Variants in MOBP observed in about 807,000 individuals in gnomAD.
MOBP encodes the protein myelin-associated oligodendrocyte basic protein.
MOBP carries 5 observed loss-of-function variants against 15.0 expected under a neutral mutation model. The observed-to-expected ratio is 0.33, with a 90% CI of 0.17 to 0.70. The LOEUF (loss-of-function observed/expected upper bound fraction) is 0.70, where lower values mean the gene tolerates loss of function less well. Ranked by LOEUF, MOBP falls within the 30% of genes least tolerant of loss-of-function variation. MOBP has a pLI of 0.67. For synonymous variants in MOBP, 88 were observed against 99.0 expected (o/e 0.89, Z 0.66); for missense variants, 188 against 257.8 (o/e 0.73, Z 1.85).
At chr3:39,476,044 T>C (rs2042541520) in intron 1 of MOBP, among the ~76,000 whole-genome samples, 1 of 152,234 alleles carries the variant, frequency 6.6e-6, no homozygotes, top group South Asian at 2.1e-4. Context: ...TAGCAGCTTC[T>C]GTTTCTGGAG....
At chr3:39,520,241 T>A (rs539135639), downstream of MOBP, among the ~76,000 whole-genome samples, 117 of 152,308 alleles carry the variant, frequency 7.7e-4, no homozygotes, top group African/African-American at 2.6e-3. Flanking sequence ...CAAGTCTCTC[T>A]AATTCCCAAA....
At chr3:39,511,664 C>T (rs1158622348) in intron 4 of MOBP, among the ~76,000 whole-genome samples, 2 of 152,164 alleles carry the variant, frequency 1.3e-5, no homozygotes, top group Non-Finnish European at 2.9e-5. Context: ...GACATCTTTG[C>T]TGATCATCAC....
intron 4 of MOBP, among the ~76,000 whole-genome samples, chr3:39,508,600 A>C (rs759255750): frequency 4.1e-4 from 58 of 141,814 alleles, no homozygotes; most frequent in Non-Finnish European, 8.1e-4. Flanking sequence ...CCCAGGCTGG[A>C]GTGCAATGGC....
At chr3:39,506,792 G>A (rs914192956), downstream of MOBP, among the ~76,000 whole-genome samples, 2 of 152,196 alleles carry the variant, frequency 1.3e-5, no homozygotes, top group East Asian at 3.8e-4. Context: ...TAAGGGCAAG[G>A]GGTTATGGGC....
In MOBP at chr3:39,469,199, T is replaced by C. The variant is rs1239613004; in HGVS notation, c.-89+1459T>C. Among the ~76,000 whole-genome samples, 3 of 107,482 alleles carry C rather than the reference T, an allele frequency of 2.8e-5. 1 individual carries two copies. The highest frequency in any genetic ancestry group is 4.4e-4 in the East Asian group (2 of 4,508). The allele number at this position is 107,482 out of a possible 152,430, so 70.5% of individuals were successfully genotyped here. ...ATACATGTGTGTGTGTGTATATACA[T>C]ATATACATGTGTGTGTATATACATA... On this transcript the variant is annotated intron_variant, in intron 1 of 3. Coordinates refer to ENST00000684792, the MANE Select transcript of MOBP (RefSeq NM_001393704.1).
chr3:39,468,836 TATATATAC>T lies in MOBP; in HGVS notation c.-89+1107_-89+1114del, dbSNP rs1190187894. The stretch of plus-strand genomic sequence containing the variant: ...TGTGTATACATATTACATATGTGTG[TATATATAC>T]ATATATACATGAGTGTGTATATATA... On this transcript the variant is annotated intron_variant, in intron 1 of 3. Coordinates refer to ENST00000684792, the MANE Select transcript of MOBP (RefSeq NM_001393704.1). Among the ~76,000 whole-genome samples the T allele has an allele frequency of 1.7e-5, 2 of 115,876 alleles. 1 individual carries two copies. Among genetic ancestry groups the T allele is most frequent in the Admixed American group, 1.6e-4 (2 of 12,774 alleles). 76.0% of individuals were successfully genotyped at this position (115,876 alleles called of 152,430 possible).
At chr3:39,492,088 A>C (rs2042804148) in intron 2 of MOBP, among the ~76,000 whole-genome samples, 1 of 152,102 alleles carries the variant, frequency 6.6e-6, no homozygotes, top group Non-Finnish European at 1.5e-5. Context: ...TTGGTTCCCT[A>C]CTCGTAATGC....
At chr3:39,498,433 C>T (rs2042917753) in intron 2 of MOBP, among the ~76,000 whole-genome samples, 1 of 152,108 alleles carries the variant, frequency 6.6e-6, no homozygotes, top group Non-Finnish European at 1.5e-5. Context: ...TCGCTGCAAT[C>T]TCCGCCTCCC....
At chr3:39,499,934 G>C in intron 2 of MOBP, 1 of 435,502 alleles carries the variant, frequency 2.3e-6, no homozygotes, top group Non-Finnish European at 4.6e-6. Flanking sequence ...GTTTCACCTT[G>C]TTCTCTAGCC....
At chr3:39,518,797 G>A (rs1275599810), downstream of MOBP, among the ~76,000 whole-genome samples, 1 of 152,186 alleles carries the variant, frequency 6.6e-6, no homozygotes, top group Non-Finnish European at 1.5e-5. Flanking sequence ...AAAGGGTAAA[G>A]TTTTTCTTTA....
At chr3:39,506,501 C>T (rs1009073150), downstream of MOBP, among the ~76,000 whole-genome samples, 4 of 152,124 alleles carry the variant, frequency 2.6e-5, no homozygotes, top group Non-Finnish European at 4.4e-5. Context: ...CAATTCTCAC[C>T]GTGGGTTCCT....
intron 1 of MOBP, among the ~76,000 whole-genome samples, chr3:39,478,268 A>C (rs142701776): frequency 1.1e-4 from 16 of 152,324 alleles, no homozygotes; most frequent in African/African-American, 3.6e-4. Flanking sequence ...GATATGTTTC[A>C]ATATGCAAAT....
intron 1 of MOBP, among the ~76,000 whole-genome samples, chr3:39,478,540 C>T (rs1433016556): frequency 1.3e-5 from 2 of 152,182 alleles, no homozygotes; most frequent in African/African-American, 4.8e-5. Context: ...CTTCCAGATT[C>T]CCACGGCCTT....
At chr3:39,500,789 A>G (rs1165244485) in intron 2 of MOBP, among the ~76,000 whole-genome samples, 4 of 152,238 alleles carry the variant, frequency 2.6e-5, no homozygotes, top group Non-Finnish European at 5.9e-5. Context: ...ATGGGGCATC[A>G]TGAGTATGTT....
intron 2 of MOBP, among the ~76,000 whole-genome samples, chr3:39,489,931 A>G (rs555988702): frequency 6.6e-6 from 1 of 152,362 alleles, no homozygotes; most frequent in East Asian, 1.9e-4. Context: ...AGCACCTTTA[A>G]AAATGGATGT....
At chr3:39,528,794 G>C (rs904054938), downstream of MOBP, 8 of 152,236 alleles carry the variant, frequency 5.3e-5, no homozygotes, top group African/African-American at 1.7e-4. Flanking sequence ...CTTAAGCATT[G>C]TTTGTAAATC....
chr3:39,502,170 A>G lies in MOBP; in HGVS notation c.101A>G (p.Asn34Ser). The change falls in exon 3 of 4, where the codon AAT (asparagine) becomes AGT (serine). Residue 34 changes from asparagine (N) to serine (S), a missense_variant. Coordinates refer to ENST00000684792, the MANE Select transcript of MOBP (RefSeq NM_001393704.1). This position sits in a 1 kb window ranked among gnomAD's most constrained non-coding sequence, Gnocchi z 6.3. Reference protein sequence around the residue: ...IHCCPPFTFLNSKKEIVDRKY... With the variant: ...IHCCPPFTFLSSKKEIVDRKY... ...TGCTGCCCGCCGTTCACCTTCCTCA[A>G]TTCCAAGAAGGAGATAGTGGATCGG... 6.2e-7 allele frequency: 1 copy of G among 1,614,202 alleles called. No individual in the cohort carries two copies. Among genetic ancestry groups the G allele is most frequent in the Non-Finnish European group, 8.5e-7 (1 of 1,180,032 alleles).
rs746904994 is a variant in MOBP at position 39,502,021 on chromosome 3, G to T, written c.-4-45G>T. 3.3e-6 allele frequency: 5 copies of T among 1,532,918 alleles called. No homozygotes were observed. In the East Asian group the frequency reaches 9.0e-5, roughly 28 times the overall value. 95.0% of individuals were successfully genotyped at this position (1,532,918 alleles called of 1,614,324 possible). A position where few individuals can be genotyped will look rare whatever the true frequency, so the allele number is the denominator to read the frequency against. On this transcript the variant is annotated intron_variant, in intron 2 of 3. Transcript: ENST00000684792. The surrounding 1 kb of genome is among the most constrained non-coding windows in gnomAD (Gnocchi z 6.3). ...AGAGTAGAGGGCTCCCTTTCCTGAT[G>T]TGCGTTTATGTCTCCTCCTGTCTCC...
chr3:39,521,547 T>A (rs1426302200), intron 3 of MOBP, among the ~76,000 whole-genome samples: 1 of 152,212 alleles, frequency 6.6e-6, no homozygotes, highest in Non-Finnish European at 1.5e-5. Context: ...CTAAACACTT[T>A]TATATTTGTA....
Sources: allele counts gnomAD v4.1 joint callset (sites outside exome capture counted in the v4.1 genomes callset), GRCh38; gene constraint gnomAD v4.1.1; non-coding constraint Gnocchi (gnomAD v3.1); transcripts MANE v1.5; gene names NCBI Gene and HGNC (gene_info 2026-07-23, HGNC 2026-07-21).